Variants in SCUBE1 observed in about 807,000 individuals in gnomAD.
SCUBE1 encodes the protein signal peptide, CUB domain and EGF like domain containing 1, also known as signal peptide, CUB and EGF-like domain-containing protein 1.
A neutral mutation model predicts 124.4 loss-of-function variants in SCUBE1; 59 were observed. That is an observed-to-expected ratio of 0.47 (90% confidence interval 0.38 to 0.59). The LOEUF is 0.59. SCUBE1 is among the 20% of genes least tolerant of loss of function. The pLI is 0.00. For missense variants in SCUBE1, 1,150 were observed against 1,371.2 expected, an observed-to-expected ratio of 0.84 and a Z score of 2.55; for synonymous variants, 545 against 550.9, an observed-to-expected ratio of 0.99 and a Z score of 0.15.
chr22:43,247,776 C>A (rs1923275628), intron 6 of SCUBE1, among the ~76,000 whole-genome samples: 1 of 152,220 alleles, frequency 6.6e-6, no homozygotes, highest in Admixed American at 6.5e-5. Flanking sequence ...GGCAGAGGGG[C>A]CCGGTCGGGC....
At chr22:43,212,169 G>A (rs1412678356) in intron 17 of SCUBE1, among the ~76,000 whole-genome samples, 1 of 151,540 alleles carries the variant, frequency 6.6e-6, no homozygotes, top group Non-Finnish European at 1.5e-5. Context: ...AAGGCCTCCT[G>A]TCCCCAGAGC....
Position 43,198,571 on chromosome 22 carries a change from C to A in SCUBE1, c.*5426G>T. On this transcript the variant is annotated 3_prime_UTR_variant, in exon 22 of 22. Coordinates refer to ENST00000360835, the MANE Select transcript of SCUBE1 (RefSeq NM_173050.5). ...CTCTCTCTCCACATCCTCACTCCAC[C>A]CCTCATTACATCCTCTGCCCTTGGC... 2.2e-6 allele frequency: 1 copy of A among 456,716 alleles called. No homozygotes were observed. The highest frequency in any genetic ancestry group is 4.4e-6 in the Non-Finnish European group (1 of 226,962). The allele number at this position is 456,716 out of a possible 1,614,324, so 28.3% of individuals were successfully genotyped here.
chr22:43,217,140 C>T (rs1601802589), intron 15 of SCUBE1, among the ~76,000 whole-genome samples: 2 of 124,162 alleles, frequency 1.6e-5, no homozygotes, highest in African/African-American at 3.4e-5. Flanking sequence ...GTCACCTCTT[C>T]TCCAACAGCT....
intron 12 of SCUBE1, among the ~76,000 whole-genome samples, chr22:43,222,233 G>T (rs1399222170): frequency 6.6e-6 from 1 of 152,222 alleles, no homozygotes; most frequent in Non-Finnish European, 1.5e-5. Flanking sequence ...CTCCCAAAGG[G>T]CTGGGACTGT....
At chr22:43,281,589 T>TGTCACCTCCCTTCA (rs1924908565) in intron 4 of SCUBE1, among the ~76,000 whole-genome samples, 2 of 122,772 alleles carry the variant, frequency 1.6e-5, no homozygotes, top group Non-Finnish European at 3.3e-5. Context: ...ACCTCCCTTC[T>TGTCACCTCCCTTCA]CAGCCACCCT....
rs1057364277 is a variant in SCUBE1, at chr22:43,210,825, C to T, written c.2383+97G>A. The T allele has an allele frequency of 1.8e-5, 25 of 1,424,040 alleles. No individual in the cohort carries two copies. In the East Asian group the frequency reaches 2.8e-4, roughly 16 times the overall value. The allele number at this position is 1,424,040 out of a possible 1,614,324, so 88.2% of individuals were successfully genotyped here. On this transcript the variant is annotated intron_variant, in intron 18 of 21. Transcript: ENST00000360835. This position sits in a 1 kb window ranked among gnomAD's most constrained non-coding sequence, Gnocchi z 4.5. ...CGGAGCGGGAGGAGTCCAGTGTCCT[C>T]GTGGAGCTCGTGTGAGATCAGGTCT...
chr22:43,281,569 CCCT>C (rs1400366407), intron 4 of SCUBE1, among the ~76,000 whole-genome samples: 4 of 143,404 alleles, frequency 2.8e-5, no homozygotes, highest in Admixed American at 7.0e-5. Context: ...CCCTCAGCCA[CCCT>C]CCTGTCACCT....
intron 11 of SCUBE1, 22 bp from the exon 12 acceptor site, chr22:43,222,764 A>G (rs1455917195): frequency 1.3e-6 from 2 of 1,561,982 alleles, no homozygotes; most frequent in African/African-American, 2.7e-5. Flanking sequence ...CCGGTGGGTG[A>G]GGTGGGCCTG....
intron 7 of SCUBE1, among the ~76,000 whole-genome samples, chr22:43,235,925 G>C (rs140347584): frequency 6.6e-6 from 1 of 151,970 alleles, no homozygotes; most frequent in Non-Finnish European, 1.5e-5. Flanking sequence ...GGCCCCCCTC[G>C]TCCCCGACAT....
At position 43,248,969 on chromosome 22, in the gene SCUBE1, A is replaced by AG. The variant is rs371523599; in HGVS notation, c.727+9249dup. On this transcript the variant is annotated intron_variant, in intron 6 of 21. Transcript: ENST00000360835. ...GGGCAAGGCCCTGTGCTGTGCCCTG[A>AG]GGGGGGGCACCAAGCTGGAAAAGAC... 4.4e-3 allele frequency among the ~76,000 whole-genome samples: 672 copies of AG among 152,200 alleles called. 5 individuals are homozygous for AG. The highest frequency in any genetic ancestry group is 0.015 in the African/African-American group (641 of 41,528).
chr22:43,243,634 T>C (rs1194019189), intron 6 of SCUBE1, among the ~76,000 whole-genome samples: 1 of 152,212 alleles, frequency 6.6e-6, no homozygotes, highest in African/African-American at 2.4e-5. Flanking sequence ...ACAGTCTCAG[T>C]CACCGTGTGG....
chr22:43,255,442 A>C lies in SCUBE1; in HGVS notation c.727+2777T>G, dbSNP rs772332244. The C allele has an allele frequency of 1.3e-6, 2 of 1,488,146 alleles. No homozygotes were observed. Among genetic ancestry groups the C allele is most frequent in the Non-Finnish European group, 1.8e-6 (2 of 1,090,158 alleles). 92.2% of individuals were successfully genotyped at this position (1,488,146 alleles called of 1,614,324 possible). Reference sequence around the variant, plus strand: ...ACCCGAGACACACATGTGCACACACACACACAAGTGCAAGTACGACAAAGG... The same window carrying C: ...ACCCGAGACACACATGTGCACACACCCACACAAGTGCAAGTACGACAAAGG... On this transcript the variant is annotated intron_variant, in intron 6 of 21. Transcript: ENST00000360835. The surrounding 1 kb of genome is among the most constrained non-coding windows in gnomAD (Gnocchi z 4.7).
chr22:43,286,521 G>T (rs966706294), intron 4 of SCUBE1, among the ~76,000 whole-genome samples: 4 of 152,246 alleles, frequency 2.6e-5, no homozygotes, highest in African/African-American at 9.6e-5. Context: ...CAGCCAGTGA[G>T]GCCCAGTGTC....
chr22:43,335,503 T>C (rs1927033812), intron 2 of SCUBE1, among the ~76,000 whole-genome samples: 1 of 152,166 alleles, frequency 6.6e-6, no homozygotes, highest in East Asian at 1.9e-4. Flanking sequence ...ATTGTTCTCA[T>C]ACTGTTAACA....
intron 3 of SCUBE1, among the ~76,000 whole-genome samples, chr22:43,312,544 T>C (rs1308157701): frequency 4.0e-5 from 6 of 151,834 alleles, no homozygotes; most frequent in Admixed American, 3.9e-4. Flanking sequence ...GTGGAAGCAA[T>C]GGCCATGAGA....
chr22:43,306,184 A>G (rs1421377422), intron 3 of SCUBE1, among the ~76,000 whole-genome samples: 1 of 152,234 alleles, frequency 6.6e-6, no homozygotes, highest in Non-Finnish European at 1.5e-5. Context: ...GACTGGGTTG[A>G]GATGCCCTTA....
At chr22:43,342,444 C>T (rs1320145722) in intron 1 of SCUBE1, among the ~76,000 whole-genome samples, 1 of 152,042 alleles carries the variant, frequency 6.6e-6, no homozygotes, top group African/African-American at 2.4e-5. Context: ...GGTCCCGGTC[C>T]CTCGTCTGCG....
At chr22:43,236,721 C>T (rs1011509582) in intron 7 of SCUBE1, among the ~76,000 whole-genome samples, 14 of 152,188 alleles carry the variant, frequency 9.2e-5, no homozygotes, top group African/African-American at 2.2e-4. Context: ...CAGCCCTCCC[C>T]GGCCTCCCCC....
Position 43,319,943 on chromosome 22 carries a change from AGTT to A in SCUBE1, c.340_342del (p.Asn114del), listed in dbSNP as rs752953522. On this transcript the variant is annotated inframe_deletion, in exon 3 of 22. Transcript: ENST00000360835. ...CTACAGCTGTATCACTCACCCAGGC[AGTT>A]GTGTCCATCGTGTGCCAGCATGAAG... 1.9e-6 allele frequency: 3 copies of A among 1,614,174 alleles called. No homozygotes were observed.
Sources: gnomAD v4.1 joint callset for allele counts (sites outside exome capture counted in the v4.1 genomes callset) on GRCh38, gnomAD v4.1.1 for gene constraint, Gnocchi (gnomAD v3.1) non-coding constraint, MANE v1.5 for transcripts, NCBI Gene and HGNC (gene_info 2026-07-23, HGNC 2026-07-21) for gene names.